The following KCNQ5 variants were observed in gnomAD, a reference collection of about 807,000 sequenced individuals.
KCNQ5 encodes the protein potassium voltage-gated channel subfamily Q member 5, also known as potassium voltage-gated channel subfamily KQT member 5.
A neutral mutation model predicts 98.2 loss-of-function variants in KCNQ5; 30 were observed. The ratio of observed to expected loss-of-function variants is 0.31; its 90% confidence interval spans 0.23 to 0.41. The LOEUF (loss-of-function observed/expected upper bound fraction) is 0.41, where lower values mean the gene tolerates loss of function less well. Among genes scored for constraint, KCNQ5 ranks in the 10% least tolerant of loss-of-function variants. The pLI, the probability that KCNQ5 is intolerant of heterozygous loss-of-function variation, is 1.00. For missense variants in KCNQ5, 835 were observed against 1,182.5 expected (o/e 0.71, Z 4.31); for synonymous variants, 458 against 449.4 (o/e 1.02, Z -0.24).
At chr6:72,623,580 G>C (rs2098916661) in intron 1 of KCNQ5, among the ~76,000 whole-genome samples, 1 of 152,122 alleles carries the variant, frequency 6.6e-6, no homozygotes, top group Non-Finnish European at 1.5e-5. Flanking sequence ...TCCTATTAGA[G>C]TTACGTTTAT....
At chr6:72,835,969 G>A (rs1776487740) in intron 1 of KCNQ5, among the ~76,000 whole-genome samples, 1 of 152,162 alleles carries the variant, frequency 6.6e-6, no homozygotes, top group Non-Finnish European at 1.5e-5. Flanking sequence ...ATGAGCCATA[G>A]ACAGGGAATT....
At chr6:72,765,430 C>T (rs7758723) in intron 1 of KCNQ5, among the ~76,000 whole-genome samples, 31,527 of 151,870 alleles carry the variant, frequency 0.21, 5,899 homozygotes, top group African/African-American at 0.51. Flanking sequence ...AAATGACCAA[C>T]GTCTACTTTA....
chr6:72,807,321 CA>C (rs1775005572), intron 1 of KCNQ5, among the ~76,000 whole-genome samples: 1 of 151,888 alleles, frequency 6.6e-6, no homozygotes, highest in South Asian at 2.1e-4. Flanking sequence ...ATGAAAATAA[CA>C]ATATAATAGT....
At chr6:73,058,346 G>A (rs1040611684) in intron 3 of KCNQ5, among the ~76,000 whole-genome samples, 3 of 152,108 alleles carry the variant, frequency 2.0e-5, no homozygotes, top group Non-Finnish European at 4.4e-5. Context: ...CCGGGGGGCG[G>A]AGGCTGCAGT....
intron 3 of KCNQ5, among the ~76,000 whole-genome samples, chr6:73,070,078 A>G (rs896108264): frequency 6.6e-6 from 1 of 152,214 alleles, no homozygotes; most frequent in Admixed American, 6.5e-5. Flanking sequence ...CGAGGAAGAC[A>G]ATAAAGAAGG....
chr6:73,058,876 A>G (rs1399204423), intron 3 of KCNQ5, among the ~76,000 whole-genome samples: 1 of 152,152 alleles, frequency 6.6e-6, no homozygotes, highest in Admixed American at 6.5e-5. Context: ...CCATCTCACA[A>G]AAGTCAGAAT....
chr6:73,013,398 C>T (rs1001556487), intron 2 of KCNQ5, among the ~76,000 whole-genome samples: 8 of 152,100 alleles, frequency 5.3e-5, no homozygotes, highest in Non-Finnish European at 8.8e-5. Flanking sequence ...TCTGCCATCA[C>T]CCTGGTGATA....
chr6:72,744,796 C>T lies in KCNQ5; in HGVS notation c.398+122209C>T, dbSNP rs575083069. Among the ~76,000 whole-genome samples the T allele has an allele frequency of 9.3e-5, 14 of 149,742 alleles. No individual in the cohort carries two copies. The East Asian group carries it at 1.8e-3, about 19-fold the overall frequency. On this transcript the variant is annotated intron_variant, in intron 1 of 13. Transcript: ENST00000370398. ...ACTGCACTCCAGACTGGTGACAGAG[C>T]GAGACTCCGTCTAAAAAAAAAAAGA... is the stretch of plus-strand genomic sequence containing the variant.
intron 1 of KCNQ5, among the ~76,000 whole-genome samples, chr6:72,873,715 C>T (rs996471378): frequency 3.3e-5 from 5 of 151,960 alleles, no homozygotes; most frequent in Non-Finnish European, 5.9e-5. Flanking sequence ...TAGTGTTTTT[C>T]GTACATTAAA....
intron 1 of KCNQ5, among the ~76,000 whole-genome samples, chr6:72,889,413 G>C (rs1001011892): frequency 6.6e-6 from 1 of 152,112 alleles, no homozygotes; most frequent in African/African-American, 2.4e-5. Flanking sequence ...GTGTGTATTA[G>C]GAATAGCCTG....
chr6:72,970,521 T>C (rs557712519), intron 1 of KCNQ5, among the ~76,000 whole-genome samples: 9 of 152,212 alleles, frequency 5.9e-5, no homozygotes, highest in Admixed American at 5.2e-4. Flanking sequence ...TAATTACCAG[T>C]TGAGAAGAAT....
intron 1 of KCNQ5, among the ~76,000 whole-genome samples, chr6:72,803,729 T>C (rs1043628435): frequency 6.6e-5 from 10 of 152,172 alleles, no homozygotes; most frequent in African/African-American, 2.2e-4. Flanking sequence ...TTTAGTTCGT[T>C]GGTTCTTTGA....
intron 11 of KCNQ5, among the ~76,000 whole-genome samples, chr6:73,189,884 T>TG (rs1765519865): frequency 1.3e-5 from 2 of 151,916 alleles, no homozygotes; most frequent in African/African-American, 4.8e-5. Context: ...AAATGTGTTA[T>TG]GGCAGGACCC....
chr6:72,716,964 A>T (rs1769678558), intron 1 of KCNQ5, among the ~76,000 whole-genome samples: 1 of 152,180 alleles, frequency 6.6e-6, no homozygotes, highest in South Asian at 2.1e-4. Flanking sequence ...TCTTCCAGGG[A>T]TGGGGAAAAC....
Position 73,055,502 on chromosome 6 carries a change from G to T in KCNQ5, c.616+13440G>T. 5.8e-6 allele frequency: 9 copies of T among 1,547,638 alleles called. 1 individual carries two copies. In the Middle Eastern group the frequency reaches 1.5e-3, roughly 261 times the overall value. On this transcript the variant is annotated intron_variant, in intron 3 of 13. Coordinates refer to ENST00000370398, the MANE Select transcript of KCNQ5 (RefSeq NM_019842.4). ...TCCTTTCTACAGCAACATCAGTAAG[G>T]ATCACAGGTATGCAGACCTCACAGA... is the stretch of plus-strand genomic sequence containing the variant.
At chr6:72,795,334 A>G (rs1013250913) in intron 1 of KCNQ5, among the ~76,000 whole-genome samples, 1 of 152,182 alleles carries the variant, frequency 6.6e-6, no homozygotes, top group Admixed American at 6.6e-5. Context: ...CACTGATACC[A>G]CAGGAGATGA....
chr6:72,898,091 T>G (rs1779321352), intron 1 of KCNQ5, among the ~76,000 whole-genome samples: 1 of 152,170 alleles, frequency 6.6e-6, no homozygotes, highest in Non-Finnish European at 1.5e-5. Flanking sequence ...TATCTGTTAA[T>G]GAACAATGGC....
chr6:72,751,035 G>T (rs1287132313), intron 1 of KCNQ5, among the ~76,000 whole-genome samples: 1 of 151,992 alleles, frequency 6.6e-6, no homozygotes, highest in East Asian at 1.9e-4. Context: ...CTAAGATATG[G>T]TTCCTACCAT....
intron 1 of KCNQ5, among the ~76,000 whole-genome samples, chr6:72,631,612 A>G (rs1350466742): frequency 6.6e-6 from 1 of 152,210 alleles, no homozygotes; most frequent in Non-Finnish European, 1.5e-5. Flanking sequence ...GTGATGTTAT[A>G]AACTCATCAG....
Sources: gnomAD v4.1 joint callset for allele counts (sites outside exome capture counted in the v4.1 genomes callset) on GRCh38, gnomAD v4.1.1 for gene constraint, MANE v1.5 for transcripts, NCBI Gene and HGNC (gene_info 2026-07-23, HGNC 2026-07-21) for gene names.